SPCS2: variants seen among roughly 807,000 people sequenced by gnomAD.
SPCS2 encodes the protein signal peptidase complex subunit 2, also known as SPase 25 kDa subunit.
In SPCS2, 3 loss-of-function variants were observed where a neutral mutation model predicts 22.3. The observed-to-expected ratio is 0.13, with a 90% CI of 0.06 to 0.35. The LOEUF (loss-of-function observed/expected upper bound fraction) is 0.35. Ranked by LOEUF, SPCS2 falls within the 10% of genes least tolerant of loss-of-function variation. SPCS2 has a pLI of 1.00. For missense variants in SPCS2, 169 were observed against 280.9 expected (o/e 0.60, Z 2.85); for synonymous variants, 67 against 97.2 (o/e 0.69, Z 1.83).
Position 74,970,873 on chromosome 11 carries a change from A to G in SPCS2, c.494+1174A>G, listed in dbSNP as rs144649710. Among the ~76,000 whole-genome samples the G allele has an allele frequency of 5.3e-3, 805 of 152,324 alleles. 8 individuals are homozygous for G. Among genetic ancestry groups the G allele is most frequent in the African/African-American group, 0.018 (766 of 41,566 alleles). On this transcript the variant is annotated intron_variant, in intron 4 of 4. Coordinates refer to ENST00000263672, the MANE Select transcript of SPCS2 (RefSeq NM_014752.3). ...AGAACTTTTATATAATTCACCTACC[A>G]TACATACAGTTCACCCATTTAAAGT... is the stretch of plus-strand genomic sequence containing the variant.
At chr11:74,969,127 ACT>A (rs1363200498) in intron 3 of SPCS2, among the ~76,000 whole-genome samples, 2 of 152,156 alleles carry the variant, frequency 1.3e-5, no homozygotes, top group Non-Finnish European at 2.9e-5. Flanking sequence ...TATTTGACAT[ACT>A]CTCTTATAGT....
intron 1 of SPCS2, among the ~76,000 whole-genome samples, chr11:74,958,526 C>G (rs1463062844): frequency 1.3e-5 from 2 of 152,108 alleles, no homozygotes; most frequent in Non-Finnish European, 2.9e-5. Flanking sequence ...GATATAGGCA[C>G]TATATATTTC....
intron 4 of SPCS2, among the ~76,000 whole-genome samples, chr11:74,971,550 T>G (rs1315013919): frequency 6.6e-6 from 1 of 152,186 alleles, no homozygotes; most frequent in East Asian, 1.9e-4. Flanking sequence ...TGAATGTTCT[T>G]GCTCTCTTCC....
At chr11:74,965,970 A>G in intron 3 of SPCS2, 47 bp downstream of exon 3, 1 of 1,534,526 alleles carries the variant, frequency 6.5e-7, no homozygotes, top group Non-Finnish European at 8.8e-7. Flanking sequence ...CTATTTTTTT[A>G]AATCTGCTGA....
At chr11:74,965,511 T>C (rs780875597) in intron 2 of SPCS2, among the ~76,000 whole-genome samples, 12 of 152,182 alleles carry the variant, frequency 7.9e-5, no homozygotes, top group Non-Finnish European at 1.6e-4. Flanking sequence ...CATCTCTCCA[T>C]TTGTAAAAGT....
intron 4 of SPCS2, among the ~76,000 whole-genome samples, chr11:74,971,019 ATCC>A (rs973230278): frequency 1.3e-5 from 2 of 151,718 alleles, no homozygotes; most frequent in African/African-American, 4.8e-5. Flanking sequence ...TCACTTCCCT[ATCC>A]TCCCACTTGC....
chr11:74,977,689 A>C lies in SPCS2; in HGVS notation c.*646A>C, dbSNP rs1948622940. On this transcript the variant is annotated 3_prime_UTR_variant, in exon 5 of 5. Transcript: ENST00000263672. ...GTTGATTTGTTTGTGCCTTTTATTA[A>C]CTGCCATTTTCTAAAATTTTTTTCA... 6.6e-6 allele frequency: 1 copy of C among 152,602 alleles called. No homozygotes were observed. The highest frequency in any genetic ancestry group is 2.4e-5 in the African/African-American group (1 of 41,448). 9.5% of individuals were successfully genotyped at this position (152,602 alleles called of 1,614,324 possible). A position where few individuals can be genotyped will look rare whatever the true frequency, so the allele number is the denominator to read the frequency against.
At chr11:74,958,162 A>T (rs1268492596) in intron 1 of SPCS2, among the ~76,000 whole-genome samples, 1 of 152,202 alleles carries the variant, frequency 6.6e-6, no homozygotes, top group Non-Finnish European at 1.5e-5. Flanking sequence ...GGTGGAGTAG[A>T]GAAGGCAGTG....
intron 1 of SPCS2, chr11:74,963,567 GTTTA>G (rs748317090): frequency 0.21 from 83,534 of 406,990 alleles, 9,686 homozygotes; most frequent in Non-Finnish European, 0.23. Context: ...TTGTTTGTTT[GTTTA>G]TTTATTTATT....
intron 1 of SPCS2, chr11:74,963,474 AT>A (rs1235212088): frequency 6.1e-6 from 2 of 326,446 alleles, no homozygotes; most frequent in Non-Finnish European, 1.2e-5. Flanking sequence ...AACAAGGTTG[AT>A]GAATTGTATT....
At chr11:74,963,933 C>T (rs1465038407) in intron 1 of SPCS2, among the ~76,000 whole-genome samples, 1 of 152,150 alleles carries the variant, frequency 6.6e-6, no homozygotes, top group Admixed American at 6.5e-5. Flanking sequence ...ATTTGTAGCA[C>T]CCTGTTCCTC....
chr11:74,960,066 T>C (rs540901887), intron 1 of SPCS2, among the ~76,000 whole-genome samples: 1 of 152,326 alleles, frequency 6.6e-6, no homozygotes, highest in African/African-American at 2.4e-5. Flanking sequence ...TGTCTTTATC[T>C]TGGCCGGGTG....
At chr11:74,975,498 A>G (rs1021072766) in intron 4 of SPCS2, among the ~76,000 whole-genome samples, 7 of 152,236 alleles carry the variant, frequency 4.6e-5, no homozygotes, top group African/African-American at 1.7e-4. Context: ...ATCTGAATTA[A>G]TGAACATTTC....
At chr11:74,968,518 G>GTTTTTTTTT (rs60284428) in intron 3 of SPCS2, among the ~76,000 whole-genome samples, 1 of 120,234 alleles carries the variant, frequency 8.3e-6, no homozygotes, top group Non-Finnish European at 1.8e-5. Context: ...GGTTTTTTTT[G>GTTTTTTTTT]TTTTTTTTTT....
At chr11:74,970,495 C>T (rs1433397112) in intron 4 of SPCS2, among the ~76,000 whole-genome samples, 2 of 152,172 alleles carry the variant, frequency 1.3e-5, no homozygotes, top group Admixed American at 1.3e-4. Context: ...AGTTTGAAAC[C>T]AGAATTCATA....
chr11:74,957,080 A>G (rs144042973), intron 1 of SPCS2, among the ~76,000 whole-genome samples: 33 of 152,214 alleles, frequency 2.2e-4, no homozygotes, highest in African/African-American at 7.7e-4. Context: ...TATCTTCCAT[A>G]CAAGAAGAAG....
chr11:74,964,852 C>T (rs1303512682), intron 1 of SPCS2, among the ~76,000 whole-genome samples, 182 bp from the exon 2 acceptor site: 1 of 152,132 alleles, frequency 6.6e-6, no homozygotes, highest in African/African-American at 2.4e-5. Flanking sequence ...TTAACTGCTT[C>T]TTGCAGGGCT....
At chr11:74,970,185 C>G (rs1207893323) in intron 4 of SPCS2, among the ~76,000 whole-genome samples, 3 of 152,166 alleles carry the variant, frequency 2.0e-5, no homozygotes, top group Admixed American at 2.0e-4. Context: ...GTACCAAGAA[C>G]TAGGTTCATG....
At chr11:74,969,765 A>G (rs957010899) in intron 4 of SPCS2, 66 bp downstream of exon 4, 4 of 1,576,246 alleles carry the variant, frequency 2.5e-6, no homozygotes, top group Non-Finnish European at 3.5e-6. Context: ...TGTCATTATC[A>G]ACAGAAGACT....
Sources: gnomAD v4.1 joint callset for allele counts (sites outside exome capture counted in the v4.1 genomes callset) on GRCh38, gnomAD v4.1.1 for gene constraint, MANE v1.5 for transcripts, NCBI Gene and HGNC (gene_info 2026-07-23, HGNC 2026-07-21) for gene names.